Variants in APLF observed in about 807,000 individuals in gnomAD.
APLF encodes the protein aprataxin and PNK-like factor.
A neutral mutation model predicts 55.6 loss-of-function variants in APLF; 61 were observed. The observed-to-expected ratio is 1.10, with a 90% confidence interval of 0.89 to 1.36. The LOEUF is 1.36. Ranked by LOEUF, APLF falls within the 40% of genes most tolerant of loss-of-function variation. The probability of loss-of-function intolerance (pLI) is 0.00; values close to 1 mark genes in which losing one functional copy is unlikely to be tolerated. For missense variants in APLF, 611 were observed against 602.5 expected, an observed-to-expected ratio of 1.01 and a Z score of -0.15; for synonymous variants, 207 against 214.8, an observed-to-expected ratio of 0.96 and a Z score of 0.32.
intron 5 of APLF, among the ~76,000 whole-genome samples, chr2:68,516,946 ATAT>A (rs914309735): frequency 5.5e-5 from 7 of 126,712 alleles, no homozygotes; most frequent in African/African-American, 1.8e-4. Flanking sequence ...AATATAATAT[ATAT>A]AATATAATAT....
chr2:68,539,523 G>A (rs1399697191), intron 7 of APLF, among the ~76,000 whole-genome samples: 3 of 152,028 alleles, frequency 2.0e-5, no homozygotes, highest in Non-Finnish European at 4.4e-5. Flanking sequence ...TTATGACCTC[G>A]TTTAACCTTA....
At chr2:68,513,007 T>C in intron 3 of APLF, 73 bp from the exon 4 acceptor site, 1 of 1,399,392 alleles carries the variant, frequency 7.1e-7, no homozygotes, top group Non-Finnish European at 9.8e-7. Context: ...GGGACATAAC[T>C]TAGATGTAGT....
At chr2:68,492,882 T>G (rs1260944257) in intron 2 of APLF, among the ~76,000 whole-genome samples, 1 of 152,216 alleles carries the variant, frequency 6.6e-6, no homozygotes, top group Non-Finnish European at 1.5e-5. Flanking sequence ...TTTTGTAAAC[T>G]TTCCCATAAA....
rs905402198 is a variant in APLF at position 68,529,592 on chromosome 2, T to A, written c.804+3350T>A. 4.3e-6 allele frequency: 2 copies of A among 463,776 alleles called. No homozygotes were observed. The highest frequency in any genetic ancestry group is 4.3e-5 in the African/African-American group (2 of 46,888). The allele number at this position is 463,776 out of a possible 1,614,324, so 28.7% of individuals were successfully genotyped here. On this transcript the variant is annotated intron_variant, in intron 6 of 9. Coordinates refer to ENST00000303795, the MANE Select transcript of APLF (RefSeq NM_173545.3). This position sits in a 1 kb window ranked among gnomAD's most constrained non-coding sequence, Gnocchi z 4.4. The stretch of plus-strand genomic sequence containing the variant: ...GTTTATGACATCACCATGGGGCTGG[T>A]GACAGAGCCAGGGTGTGGAGGAGTG...
chr2:68,567,735 G>C (rs1484744609), intron 9 of APLF, among the ~76,000 whole-genome samples: 1 of 151,954 alleles, frequency 6.6e-6, no homozygotes. Context: ...ATATTGCTTT[G>C]GCTCATTAAT....
chr2:68,497,483 G>A (rs919969481), intron 2 of APLF, among the ~76,000 whole-genome samples: 1 of 151,728 alleles, frequency 6.6e-6, no homozygotes, highest in African/African-American at 2.4e-5. Context: ...TATAGGATTT[G>A]CCTGCTTCCC....
intron 3 of APLF, among the ~76,000 whole-genome samples, chr2:68,505,351 G>C (rs138224422): frequency 1.8e-3 from 280 of 152,026 alleles, no homozygotes; most frequent in African/African-American, 6.6e-3. Context: ...ACTTATTTAA[G>C]CTATTATATG....
intron 9 of APLF, among the ~76,000 whole-genome samples, chr2:68,573,970 A>G (rs1243125253): frequency 6.6e-6 from 1 of 152,136 alleles, no homozygotes; most frequent in Non-Finnish European, 1.5e-5. Context: ...AGACAATCAA[A>G]TGAGAGCAGC....
At chr2:68,530,170 C>T (rs1249649098) in intron 6 of APLF, among the ~76,000 whole-genome samples, 4 of 152,238 alleles carry the variant, frequency 2.6e-5, no homozygotes, top group African/African-American at 4.8e-5. Context: ...GCTTTGAACC[C>T]GGGCTGTGCG....
At chr2:68,469,959 AAC>A (rs1461985143) in intron 1 of APLF, among the ~76,000 whole-genome samples, 4 of 152,342 alleles carry the variant, frequency 2.6e-5, no homozygotes, top group Admixed American at 2.6e-4. Context: ...TTGGTAGTAA[AAC>A]AGTTTGACAA....
chr2:68,526,663 C>T (rs1239910693), intron 6 of APLF, among the ~76,000 whole-genome samples: 2 of 152,220 alleles, frequency 1.3e-5, no homozygotes, highest in Non-Finnish European at 2.9e-5. Context: ...TCTTGTTCCT[C>T]CTGTCCCAAA....
intron 6 of APLF, among the ~76,000 whole-genome samples, chr2:68,534,175 A>G (rs566152030): frequency 2.6e-4 from 40 of 152,342 alleles, no homozygotes; most frequent in Non-Finnish European, 3.2e-4. Context: ...GCATGAATAG[A>G]TGAAATATGT....
At chr2:68,547,410 A>G (rs553042589) in intron 8 of APLF, among the ~76,000 whole-genome samples, 5 of 151,932 alleles carry the variant, frequency 3.3e-5, no homozygotes, top group African/African-American at 1.2e-4. Flanking sequence ...ACAAAGGATA[A>G]AAATAGCCAT....
chr2:68,568,288 A>G, intron 9 of APLF: 1 of 985,422 alleles, frequency 1.0e-6, no homozygotes, highest in Non-Finnish European at 1.2e-6. Context: ...AATAAAATGC[A>G]TACTATCCAG....
intron 8 of APLF, among the ~76,000 whole-genome samples, chr2:68,561,065 G>C (rs1475280100): frequency 1.3e-5 from 2 of 152,070 alleles, no homozygotes; most frequent in African/African-American, 4.8e-5. Flanking sequence ...GAAAAATTCA[G>C]CTATTTAATA....
At chr2:68,530,495 T>C (rs2103992173) in intron 6 of APLF, among the ~76,000 whole-genome samples, 1 of 152,314 alleles carries the variant, frequency 6.6e-6, no homozygotes, top group Admixed American at 6.5e-5. Flanking sequence ...GTAAAGATTA[T>C]GTTCTAGATC....
intron 1 of APLF, among the ~76,000 whole-genome samples, chr2:68,480,298 T>C (rs917381243): frequency 1.3e-5 from 2 of 151,822 alleles, no homozygotes; most frequent in African/African-American, 4.8e-5. Context: ...GCCCTTTCTT[T>C]TTCCTTTTTT....
rs377183495 is a variant in APLF at position 68,579,368 on chromosome 2, C to T, written c.*1346C>T. ...TAGCCTTGGTAGTATAACAAATCTA[C>T]GAATGTAATATTTAACTTATTCTCA... On this transcript the variant is annotated 3_prime_UTR_variant, in exon 10 of 10. Transcript: ENST00000303795. The T allele has an allele frequency of 2.8e-5, 27 of 979,124 alleles. No homozygotes were observed. Among genetic ancestry groups the T allele is most frequent in the South Asian group, 1.4e-4 (3 of 21,156 alleles). The allele number at this position is 979,124 out of a possible 1,614,324, so 60.7% of individuals were successfully genotyped here.
intron 5 of APLF, among the ~76,000 whole-genome samples, chr2:68,518,387 T>C (rs1322947935): frequency 4.0e-5 from 4 of 99,148 alleles, no homozygotes; most frequent in African/African-American, 2.3e-4. Context: ...TGTATTATAT[T>C]ATTAATATAT....
Sources: allele counts gnomAD v4.1 joint callset (sites outside exome capture counted in the v4.1 genomes callset), GRCh38; gene constraint gnomAD v4.1.1; non-coding constraint Gnocchi (gnomAD v3.1); transcripts MANE v1.5; gene names NCBI Gene and HGNC (gene_info 2026-07-23, HGNC 2026-07-21).